FRMD4A: variants seen among roughly 807,000 people sequenced by gnomAD.
FRMD4A encodes the protein FERM domain-containing protein 4A.
In FRMD4A, 29 loss-of-function variants were observed where a neutral mutation model predicts 129.1. That is an observed-to-expected ratio of 0.22 (90% confidence interval 0.17 to 0.31). The LOEUF is 0.31. Ranked by LOEUF, FRMD4A falls within the 10% of genes least tolerant of loss-of-function variation. The probability of loss-of-function intolerance (pLI) is 1.00; values close to 1 mark genes in which losing one functional copy is unlikely to be tolerated. For synonymous variants in FRMD4A, 634 were observed against 571.6 expected (o/e 1.11, Z -1.56); for missense variants, 1,272 against 1,375.8 (o/e 0.92, Z 1.19).
At chr10:13,804,553 T>TCC (rs1564831516) in intron 4 of FRMD4A, among the ~76,000 whole-genome samples, 1 of 151,808 alleles carries the variant, frequency 6.6e-6, no homozygotes. Flanking sequence ...CTTTATTTCT[T>TCC]TTTTTTGTTG....
intron 3 of FRMD4A, among the ~76,000 whole-genome samples, chr10:13,824,297 G>A (rs1209271033): frequency 9.0e-6 from 1 of 111,262 alleles, no homozygotes. Flanking sequence ...CCAACATGGT[G>A]AAACCCTATC....
At chr10:13,764,770 A>G (rs2092218755) in intron 6 of FRMD4A, among the ~76,000 whole-genome samples, 1 of 152,174 alleles carries the variant, frequency 6.6e-6, no homozygotes. Context: ...GTATCACAAG[A>G]TCCCATAGTG....
At chr10:13,905,698 G>A (rs1162611299) in intron 2 of FRMD4A, among the ~76,000 whole-genome samples, 4 of 152,104 alleles carry the variant, frequency 2.6e-5, no homozygotes, top group Admixed American at 6.5e-5. Context: ...GTATAGATTC[G>A]GAAATGGAGG....
At chr10:13,934,986 T>C (rs549684809) in intron 2 of FRMD4A, among the ~76,000 whole-genome samples, 2 of 152,178 alleles carry the variant, frequency 1.3e-5, no homozygotes, top group African/African-American at 4.8e-5. Flanking sequence ...TGTTCTTACA[T>C]GCCAGAAGGG....
intron 2 of FRMD4A, among the ~76,000 whole-genome samples, chr10:13,999,356 A>G (rs1461881907): frequency 6.6e-6 from 1 of 152,198 alleles, no homozygotes; most frequent in Non-Finnish European, 1.5e-5. Flanking sequence ...TTAAATAAAT[A>G]TCTGTGAAAT....
chr10:13,960,766 T>A (rs1007294556), intron 2 of FRMD4A, among the ~76,000 whole-genome samples: 2 of 152,152 alleles, frequency 1.3e-5, no homozygotes, highest in Non-Finnish European at 2.9e-5. Context: ...TGTGACCAAG[T>A]TCTGGCCAAT....
chr10:13,977,973 T>C (rs1177393754), intron 2 of FRMD4A, among the ~76,000 whole-genome samples: 1 of 152,368 alleles, frequency 6.6e-6, no homozygotes, highest in South Asian at 2.1e-4. Context: ...AGCATTTTTG[T>C]GAGGTGTATG....
At chr10:14,210,083 T>G (rs1368269357) in intron 2 of FRMD4A, among the ~76,000 whole-genome samples, 2 of 152,212 alleles carry the variant, frequency 1.3e-5, no homozygotes, top group East Asian at 3.8e-4. Flanking sequence ...TTCTGTTGTT[T>G]GAAGCCACCA....
intron 2 of FRMD4A, among the ~76,000 whole-genome samples, chr10:14,108,891 C>T (rs934220184): frequency 2.6e-5 from 4 of 152,128 alleles, no homozygotes; most frequent in African/African-American, 9.7e-5. Flanking sequence ...CCTATGGACT[C>T]CTACAATCTC....
chr10:14,101,563 G>T (rs181583429), intron 2 of FRMD4A, among the ~76,000 whole-genome samples: 1 of 152,154 alleles, frequency 6.6e-6, no homozygotes, highest in East Asian at 1.9e-4. Flanking sequence ...GGGAACCTAG[G>T]GATATAGCAC....
intron 2 of FRMD4A, among the ~76,000 whole-genome samples, chr10:14,015,914 A>T (rs1421475065): frequency 1.3e-5 from 2 of 152,218 alleles, no homozygotes; most frequent in African/African-American, 4.8e-5. Flanking sequence ...AGACTGAAGT[A>T]ACTCACTCAG....
chr10:14,088,187 C>G lies in FRMD4A; in HGVS notation c.46-229275G>C, dbSNP rs576601238. 3.3e-5 allele frequency among the ~76,000 whole-genome samples: 5 copies of G among 152,176 alleles called. No individual in the cohort carries two copies. In the South Asian group the frequency reaches 1.0e-3, roughly 32 times the overall value. ...AAAACAGAAAAAGAGAATTACAGGC[C>G]TGAAATCCCAGCACTCTGGGAGGCT... On this transcript the variant is annotated intron_variant, in intron 2 of 24. Transcript: ENST00000357447.
intron 2 of FRMD4A, among the ~76,000 whole-genome samples, chr10:14,200,191 C>T (rs1051427348): frequency 1.3e-5 from 2 of 150,402 alleles, no homozygotes; most frequent in Non-Finnish European, 3.0e-5. Flanking sequence ...CTGTGCCAGG[C>T]CTTATATTTT....
intron 2 of FRMD4A, among the ~76,000 whole-genome samples, chr10:14,072,219 C>T (rs773911878): frequency 1.3e-5 from 2 of 152,080 alleles, no homozygotes; most frequent in Non-Finnish European, 2.9e-5. Flanking sequence ...GATATGAAGA[C>T]ACGAGGCAAT....
At chr10:13,670,187 C>A (rs1404977242) in intron 17 of FRMD4A, among the ~76,000 whole-genome samples, 1 of 152,214 alleles carries the variant, frequency 6.6e-6, no homozygotes, top group Non-Finnish European at 1.5e-5. Flanking sequence ...GTCAGACAAG[C>A]AACTTCGACA....
intron 2 of FRMD4A, among the ~76,000 whole-genome samples, chr10:14,268,323 AC>A (rs1845048625): frequency 6.6e-6 from 1 of 152,228 alleles, no homozygotes; most frequent in Non-Finnish European, 1.5e-5. Context: ...ATGATAGGCC[AC>A]TTGTGCCATC....
chr10:14,275,894 C>T (rs573134108), intron 2 of FRMD4A, among the ~76,000 whole-genome samples: 42 of 152,150 alleles, frequency 2.8e-4, no homozygotes, highest in African/African-American at 9.9e-4. Context: ...CAAAAATTAG[C>T]GAGGAGTAGT....
chr10:14,229,924 G>A (rs1843579157), intron 2 of FRMD4A, among the ~76,000 whole-genome samples: 1 of 152,180 alleles, frequency 6.6e-6, no homozygotes, highest in Non-Finnish European at 1.5e-5. Context: ...AACATGAATT[G>A]TCCTATGAAC....
intron 2 of FRMD4A, among the ~76,000 whole-genome samples, chr10:13,919,065 A>G (rs1451592695): frequency 6.6e-6 from 1 of 152,166 alleles, no homozygotes; most frequent in African/African-American, 2.4e-5. Flanking sequence ...AGGGGAAGGT[A>G]TCGTATGGTC....
Sources: allele counts gnomAD v4.1 joint callset (sites outside exome capture counted in the v4.1 genomes callset), GRCh38; gene constraint gnomAD v4.1.1; transcripts MANE v1.5; gene names NCBI Gene and HGNC (gene_info 2026-07-23, HGNC 2026-07-21).